Variants in SCNN1A observed in about 807,000 individuals in gnomAD.
SCNN1A encodes sodium channel epithelial 1 subunit alpha, also known as epithelial sodium channel subunit alpha.
Under a neutral mutation model 68.6 loss-of-function variants are expected in SCNN1A, and 65 were observed. The ratio of observed to expected loss-of-function variants is 0.95; its 90% CI spans 0.78 to 1.16. The LOEUF is 1.16. Ranked by LOEUF, SCNN1A falls within the 50% of genes most tolerant of loss-of-function variation. SCNN1A has a pLI of 0.00. For synonymous variants in SCNN1A, 357 were observed against 353.3 expected (o/e 1.01, Z -0.12); for missense variants, 880 against 865.9 (o/e 1.02, Z -0.20).
intron 4 of SCNN1A, among the ~76,000 whole-genome samples, chr12:6,359,034 C>T (rs1948541931): frequency 6.6e-6 from 1 of 152,036 alleles, no homozygotes; most frequent in Non-Finnish European, 1.5e-5. Context: ...GTGAAATGTC[C>T]ACCACAGGCA....
At chr12:6,375,474 A>G in intron 1 of SCNN1A, 31 bp downstream of exon 1, 1 of 1,535,388 alleles carries the variant, frequency 6.5e-7, no homozygotes, top group Non-Finnish European at 8.7e-7. Context: ...TTCCAGTTGA[A>G]TCTGGCAGCC....
At chr12:6,352,295 T>G (rs1403814384) in intron 8 of SCNN1A, among the ~76,000 whole-genome samples, 2 of 152,188 alleles carry the variant, frequency 1.3e-5, no homozygotes, top group Non-Finnish European at 2.9e-5. Flanking sequence ...TCCCAAATTC[T>G]AAGTAAGGTT....
In SCNN1A at chr12:6,362,050, C is replaced by T. The variant is rs142439390; in HGVS notation, c.875+1G>A. 2 of 1,613,944 alleles carry T rather than the reference C, an allele frequency of 1.2e-6. No homozygotes were observed. The highest frequency in any genetic ancestry group is 1.3e-5 in the African/African-American group (1 of 74,934). ...CAAGGAGCCAGGCAGGACTGACTCACGCCTGGTTGCAGGAGACCTGGTTGA... is the reference window on the plus strand; with the variant it reads ...CAAGGAGCCAGGCAGGACTGACTCATGCCTGGTTGCAGGAGACCTGGTTGA... On this transcript the variant is annotated splice_donor_variant, in intron 4 of 12. Coordinates refer to ENST00000228916, the MANE Select transcript of SCNN1A (RefSeq NM_001038.6). LOFTEE classifies it high-confidence loss of function.
intron 2 of SCNN1A, among the ~76,000 whole-genome samples, chr12:6,371,323 C>T (rs1948785831): frequency 6.6e-6 from 1 of 151,990 alleles, no homozygotes; most frequent in South Asian, 2.1e-4. Context: ...CTGGATCCCT[C>T]CCTCCTGCAC....
intron 3 of SCNN1A, 90 bp downstream of exon 3, chr12:6,363,353 G>T: frequency 1.7e-6 from 2 of 1,191,696 alleles, no homozygotes; most frequent in Non-Finnish European, 2.2e-6. Context: ...GGGCTGCGCG[G>T]GCGGGTCAGG....
intron 1 of SCNN1A, chr12:6,375,102 C>T (rs1948880301): frequency 6.6e-7 from 1 of 1,507,582 alleles, no homozygotes. Flanking sequence ...CCTGATAGGG[C>T]CACCTTTCGA....
chr12:6,355,175 C>T (rs1948474212), intron 6 of SCNN1A, 97 bp downstream of exon 6: 5 of 1,373,870 alleles, frequency 3.6e-6, no homozygotes, highest in Non-Finnish European at 4.1e-6. Flanking sequence ...GCTCAAGGCC[C>T]ACCCCACATG....
chr12:6,367,940 G>A (rs1948708434), intron 2 of SCNN1A, among the ~76,000 whole-genome samples: 1 of 152,006 alleles, frequency 6.6e-6, no homozygotes, highest in Non-Finnish European at 1.5e-5. Context: ...TAGCTGGCTG[G>A]GCCTTAGGCA....
In SCNN1A at chr12:6,355,897, G is replaced by C; in HGVS notation, c.876-17C>G. On this transcript the variant is annotated splice_polypyrimidine_tract_variant and intron_variant, in intron 4 of 12. Coordinates refer to ENST00000228916, the MANE Select transcript of SCNN1A (RefSeq NM_001038.6). ...GAGTAATTCCTTATCAGGAAAGAGA[G>C]AGTAGGGTCAGAGAGGAAAGTGTAG... 1.3e-6 allele frequency: 2 copies of C among 1,499,340 alleles called. No homozygotes were observed. Among genetic ancestry groups the C allele is most frequent in the South Asian group, 1.1e-5 (1 of 88,700 alleles). 92.9% of individuals were successfully genotyped at this position (1,499,340 alleles called of 1,614,324 possible).
chr12:6,376,122 C>A (rs113654634), upstream of SCNN1A: 331 of 987,586 alleles, frequency 3.4e-4, no homozygotes, highest in Non-Finnish European at 3.9e-4. Context: ...CAGCCTCACC[C>A]TCAGGCCCTG....
At chr12:6,369,122 C>T (rs936881884) in intron 2 of SCNN1A, among the ~76,000 whole-genome samples, 4 of 152,118 alleles carry the variant, frequency 2.6e-5, no homozygotes, top group Non-Finnish European at 4.4e-5. Context: ...CTTCCCCAGG[C>T]TGGCTCAAGT....
At chr12:6,377,066 GAGA>G (rs1948925029), upstream of SCNN1A, 1 of 546,866 alleles carries the variant, frequency 1.8e-6, no homozygotes, top group Admixed American at 3.4e-5. Context: ...AGCCTTCCCA[GAGA>G]AGGTGTCATC....
chr12:6,348,975 T>C lies in SCNN1A; in HGVS notation c.1528A>G (p.Asn510Asp). The C allele has an allele frequency of 6.2e-7, 1 of 1,614,156 alleles. No individual in the cohort carries two copies. The highest frequency in any genetic ancestry group is 8.5e-7 in the Non-Finnish European group (1 of 1,180,024). ...EWVFQMLSRQ[N>D]NYTVNNKRNG... Reference sequence around the variant, plus strand: ...CTCTTGTTGTTGACGGTGTAATTGTTCTGTCGCGATAGCATCTGGAAGACC... The same window carrying C: ...CTCTTGTTGTTGACGGTGTAATTGTCCTGTCGCGATAGCATCTGGAAGACC... The change falls in exon 11 of 13, where the codon AAC becomes GAC. Residue 510 changes from asparagine to aspartate, a missense_variant. Physicochemically the swap from Asn to Asp is conservative, Grantham distance 23 (BLOSUM62 1). Around this residue, in one of 3 missense-constraint regions of SCNN1A, gnomAD observed 758 missense variants for 721.8 expected, o/e 1.05. Transcript: ENST00000228916.
Position 6,362,200 on chromosome 12 carries a change from T to C in SCNN1A, c.726A>G (p.Ser242=), listed in dbSNP as rs1948591901. 6.2e-7 allele frequency: 1 copy of C among 1,613,722 alleles called. No homozygotes were observed. ...ACTCCCTCACCGCATCCACCCCTGATGAGTATGTCTGGTAGAAGCAGTCCG... is the reference window on the plus strand; with the variant it reads ...ACTCCCTCACCGCATCCACCCCTGACGAGTATGTCTGGTAGAAGCAGTCCG... The part of the protein sequence containing the change: ...NKSDCFYQTY[S]SGVDAVREWY... The change falls in exon 4 of 13, where the codon TCA becomes TCG. Residue 242 remains serine (S), a synonymous_variant. Transcript: ENST00000228916.
intron 2 of SCNN1A, among the ~76,000 whole-genome samples, chr12:6,369,108 A>C (rs1948731582): frequency 6.7e-6 from 1 of 149,662 alleles, no homozygotes; most frequent in African/African-American, 2.5e-5. Context: ...CTCCCTTTCC[A>C]CTCCTTCCCC....
rs1209914396 is a variant in SCNN1A at position 6,362,293 on chromosome 12, T to C, written c.685-52A>G. The stretch of plus-strand genomic sequence containing the variant: ...GGACACGCAGCCGGGGATAAGCCCC[T>C]TGGCAGGGCCAAGGGCAAAGAATGA... On this transcript the variant is annotated intron_variant, in intron 3 of 12. Coordinates refer to ENST00000228916, the MANE Select transcript of SCNN1A (RefSeq NM_001038.6). The C allele has an allele frequency of 3.9e-6, 6 of 1,525,764 alleles. No individual in the cohort carries two copies. The Admixed American group carries it at 5.0e-5, about 13-fold the overall frequency. 94.5% of individuals were successfully genotyped at this position (1,525,764 alleles called of 1,614,324 possible). A position where few individuals can be genotyped will look rare whatever the true frequency, so the allele number is the denominator to read the frequency against.
rs369363383 is a variant in SCNN1A at position 6,372,374 on chromosome 12, C to T, written c.416+1994G>A. Among the ~76,000 whole-genome samples the T allele has an allele frequency of 1.4e-4, 21 of 149,990 alleles. No homozygotes were observed. In the East Asian group the frequency reaches 2.2e-3, roughly 16 times the overall value. ...GCTTGGTGGGTGTTGCATCTCCTCC[C>T]GCTGTGCTGGGGAGCCCTTCCCCGA... On this transcript the variant is annotated intron_variant, in intron 2 of 12. Transcript: ENST00000228916. The surrounding 1 kb of genome is among the most constrained non-coding windows in gnomAD (Gnocchi z 5.8).
intron 2 of SCNN1A, among the ~76,000 whole-genome samples, chr12:6,366,880 C>T (rs1181249184): frequency 6.6e-6 from 1 of 151,756 alleles, no homozygotes; most frequent in African/African-American, 2.4e-5. Flanking sequence ...CCTGAAGCAA[C>T]TCAAAGGTGT....
chr12:6,363,934 T>C, intron 2 of SCNN1A: 1 of 443,392 alleles, frequency 2.3e-6, no homozygotes, highest in Admixed American at 4.2e-5. Context: ...CGGGACACTG[T>C]GGACTGTTTA....
Sources: gnomAD v4.1 joint callset for allele counts (sites outside exome capture counted in the v4.1 genomes callset) on GRCh38, gnomAD v4.1.1 for gene constraint, gnomAD v4.1.1 regional missense constraint, Gnocchi (gnomAD v3.1) non-coding constraint, MANE v1.5 for transcripts, NCBI Gene and HGNC (gene_info 2026-07-23, HGNC 2026-07-21) for gene names.